Variants in BANP observed in about 807,000 individuals in gnomAD.
BANP encodes the protein BTG3 associated nuclear protein.
BANP carries 11 observed loss-of-function variants against 68.1 expected under a neutral mutation model. The ratio of observed to expected loss-of-function variants is 0.16; its 90% CI spans 0.10 to 0.27. BANP has a LOEUF of 0.27. Ranked by LOEUF, BANP falls within the 10% of genes least tolerant of loss-of-function variation. The probability of loss-of-function intolerance (pLI) is 1.00; values close to 1 mark genes in which losing one functional copy is unlikely to be tolerated. For missense variants in BANP, 504 were observed against 722.7 expected (o/e 0.70, Z 3.47); for synonymous variants, 329 against 303.2 (o/e 1.09, Z -0.88).
At chr16:88,053,462 TCAC>T (rs1306864662) in intron 11 of BANP, among the ~76,000 whole-genome samples, 13 of 136,190 alleles carry the variant, frequency 9.5e-5, no homozygotes, top group Admixed American at 1.4e-4. Flanking sequence ...ATCATCATCA[TCAC>T]CAACACAACC....
intron 11 of BANP, among the ~76,000 whole-genome samples, chr16:88,045,088 T>TA (rs1228697201): frequency 1.3e-5 from 2 of 152,234 alleles, no homozygotes; most frequent in South Asian, 2.1e-4. Context: ...GGGAAGCTTT[T>TA]AAAAAAATCA....
chr16:88,059,913 A>G (rs2086239035), intron 11 of BANP, among the ~76,000 whole-genome samples: 1 of 152,208 alleles, frequency 6.6e-6, no homozygotes, highest in African/African-American at 2.4e-5. Flanking sequence ...CTGGTGGGGA[A>G]GGGTCACATT....
intron 4 of BANP, among the ~76,000 whole-genome samples, chr16:87,985,012 A>G (rs535703384): frequency 2.4e-3 from 367 of 152,024 alleles, no homozygotes; most frequent in Non-Finnish European, 4.3e-3. Context: ...CTGGGAGGAG[A>G]GAGAATGGTG....
chr16:88,048,552 G>A (rs919599151), intron 11 of BANP, among the ~76,000 whole-genome samples: 7 of 151,344 alleles, frequency 4.6e-5, no homozygotes, highest in African/African-American at 1.7e-4. Flanking sequence ...TCTTGGTATC[G>A]AATCGGCGCT....
At chr16:88,049,646 G>C (rs2082795615) in intron 11 of BANP, among the ~76,000 whole-genome samples, 1 of 152,186 alleles carries the variant, frequency 6.6e-6, no homozygotes, top group African/African-American at 2.4e-5. Context: ...AACCAGGGCT[G>C]TGGGAGTTAG....
chr16:88,066,899 T>C (rs554901164), intron 12 of BANP, among the ~76,000 whole-genome samples: 1 of 152,336 alleles, frequency 6.6e-6, no homozygotes, highest in South Asian at 2.1e-4. Context: ...GCGCTGTCAG[T>C]GGCTGTGCGA....
chr16:88,019,363 T>A lies in BANP; in HGVS notation c.895+696T>A, dbSNP rs2075348864. 2.0e-5 allele frequency among the ~76,000 whole-genome samples: 3 copies of A among 151,800 alleles called. No homozygotes were observed. The South Asian group carries it at 6.2e-4, about 32-fold the overall frequency. ...CCTGGCTTCTAACGAAGATGTAAAG[T>A]GAAGCAGCAGCAAACGCAAGAGACA... On this transcript the variant is annotated intron_variant, in intron 7 of 13. Transcript: ENST00000682872.
chr16:88,034,818 CCT>C (rs1567824183), intron 9 of BANP, among the ~76,000 whole-genome samples: 1 of 152,208 alleles, frequency 6.6e-6, no homozygotes, highest in African/African-American at 2.4e-5. Context: ...AGCAGCCCCC[CCT>C]TACCCATGCT....
At chr16:88,035,261 T>G in intron 9 of BANP, 62 bp from the exon 10 acceptor site, 1 of 1,402,808 alleles carries the variant, frequency 7.1e-7, no homozygotes, top group South Asian at 1.2e-5. Flanking sequence ...CCGGAAGATG[T>G]TTCTTGTTTC....
At chr16:87,966,187 A>G (rs1374555559) in intron 1 of BANP, among the ~76,000 whole-genome samples, 3 of 152,186 alleles carry the variant, frequency 2.0e-5, no homozygotes, top group African/African-American at 7.2e-5. Flanking sequence ...GGTGTCTGGC[A>G]ATCTGGATGG....
rs1598599755 is a variant in BANP, at chr16:88,027,493, C to A, written c.906C>A (p.Phe302Leu). Residue 302 changes from phenylalanine (F) to leucine (L), a missense_variant, in exon 8 of 14, where the codon TTC becomes TTA. Coordinates refer to ENST00000682872, the MANE Select transcript of BANP (RefSeq NM_001386991.1). ...LTIYGIRCHL[F>L]YKFGITESDW... ...GATGTGTCCTTCCAGGTCACCTTTT[C>A]TATAAATTTGGCATCACAGAATCCG... is the stretch of plus-strand genomic sequence containing the variant. The A allele has an allele frequency of 6.2e-7, 1 of 1,613,650 alleles. No homozygotes were observed. The highest frequency in any genetic ancestry group is 1.1e-5 in the South Asian group (1 of 91,074).
intron 9 of BANP, 41 bp from the exon 10 acceptor site, chr16:88,035,282 G>T (rs575010417): frequency 6.5e-7 from 1 of 1,536,182 alleles, no homozygotes; most frequent in African/African-American, 1.4e-5. Context: ...CTTTGCTTTT[G>T]ATTTTCTTCT....
At chr16:87,962,661 G>T (rs1348624653) in intron 1 of BANP, among the ~76,000 whole-genome samples, 2 of 152,042 alleles carry the variant, frequency 1.3e-5, no homozygotes, top group Admixed American at 6.6e-5. Flanking sequence ...CCTTTCCCCC[G>T]CAAGCACACA....
rs770193546 is a variant in BANP, at chr16:87,984,270, A to C, written c.362+11A>C. On this transcript the variant is annotated intron_variant, in intron 4 of 13. Coordinates refer to ENST00000682872, the MANE Select transcript of BANP (RefSeq NM_001386991.1). ...CAACAAAGTGCGATGGTAAGAACAG[A>C]CCAGGGTGCCGGGGCCTTCAGGTCA... The C allele has an allele frequency of 1.0e-4, 160 of 1,563,618 alleles. No individual in the cohort carries two copies. Among genetic ancestry groups the C allele is most frequent in the Admixed American group, 2.7e-4 (14 of 52,600 alleles).
intron 6 of BANP, among the ~76,000 whole-genome samples, chr16:88,012,216 C>A (rs2073338451): frequency 6.6e-6 from 1 of 152,176 alleles, no homozygotes; most frequent in African/African-American, 2.4e-5. Flanking sequence ...ACGACACAGC[C>A]CGGTGCTGCC....
At chr16:88,056,239 T>G (rs921764447) in intron 11 of BANP, among the ~76,000 whole-genome samples, 2 of 152,246 alleles carry the variant, frequency 1.3e-5, no homozygotes, top group African/African-American at 4.8e-5. Context: ...ACTCTCTGCT[T>G]CTTTGCTTCT....
intron 1 of BANP, among the ~76,000 whole-genome samples, chr16:87,973,652 A>T (rs2061504198): frequency 6.6e-6 from 1 of 151,440 alleles, no homozygotes; most frequent in African/African-American, 2.4e-5. Context: ...CCAGCTACTC[A>T]GGAAGCTGAG....
chr16:87,950,657 A>G (rs1033211165), upstream of BANP: 1 of 152,208 alleles, frequency 6.6e-6, no homozygotes, highest in Non-Finnish European at 1.5e-5. Context: ...GCTGGTCGCG[A>G]ACCCTTTACC....
intron 11 of BANP, among the ~76,000 whole-genome samples, chr16:88,063,352 T>C (rs1023644236): frequency 6.6e-6 from 1 of 152,232 alleles, no homozygotes; most frequent in Non-Finnish European, 1.5e-5. Flanking sequence ...GTGTTGTCGT[T>C]GTGGTCCTCC....
Sources: allele counts gnomAD v4.1 joint callset (sites outside exome capture counted in the v4.1 genomes callset), GRCh38; gene constraint gnomAD v4.1.1; transcripts MANE v1.5; gene names NCBI Gene and HGNC (gene_info 2026-07-23, HGNC 2026-07-21).